MGAT4C: variants seen among roughly 807,000 people sequenced by gnomAD.
MGAT4C encodes the protein MGAT4 family member C.
Under a neutral mutation model 40.1 loss-of-function variants are expected in MGAT4C, and 19 were observed. The observed-to-expected ratio is 0.47, with a 90% CI of 0.33 to 0.70. MGAT4C has a LOEUF of 0.70. Among genes scored for constraint, MGAT4C ranks in the 30% least tolerant of loss-of-function variants. The probability of loss-of-function intolerance (pLI) is 0.02; values close to 1 mark genes in which losing one functional copy is unlikely to be tolerated. For synonymous variants in MGAT4C, 181 were observed against 187.1 expected (o/e 0.97, Z 0.27); for missense variants, 491 against 563.2 (o/e 0.87, Z 1.30).
chr12:86,087,181 T>C (rs1872019403), intron 1 of MGAT4C, among the ~76,000 whole-genome samples: 1 of 152,090 alleles, frequency 6.6e-6, no homozygotes, highest in Non-Finnish European at 1.5e-5. Context: ...CTATTGGATA[T>C]ATACCCAGCA....
At chr12:86,301,049 A>G (rs915801245) in intron 4 of MGAT4C, among the ~76,000 whole-genome samples, 21 of 152,292 alleles carry the variant, frequency 1.4e-4, no homozygotes, top group African/African-American at 5.0e-4. Context: ...AGTAATTGAC[A>G]TTAACTCTTT....
intron 2 of MGAT4C, among the ~76,000 whole-genome samples, chr12:86,695,737 C>G (rs988958198): frequency 2.6e-5 from 4 of 151,506 alleles, no homozygotes; most frequent in African/African-American, 7.3e-5. Context: ...TCGAACTCAT[C>G]GACACAGAGA....
chr12:86,356,334 T>A (rs1424333440), intron 3 of MGAT4C, among the ~76,000 whole-genome samples: 1 of 152,142 alleles, frequency 6.6e-6, no homozygotes, highest in East Asian at 1.9e-4. Flanking sequence ...TAAATGTTAA[T>A]ACACACACTA....
At chr12:86,634,945 G>T (rs1963173104) in intron 2 of MGAT4C, among the ~76,000 whole-genome samples, 1 of 152,116 alleles carries the variant, frequency 6.6e-6, no homozygotes, top group African/African-American at 2.4e-5. Context: ...CACACACAAA[G>T]ATTAAATCAA....
At chr12:86,089,981 G>A (rs567909617) in intron 1 of MGAT4C, among the ~76,000 whole-genome samples, 97 of 151,218 alleles carry the variant, frequency 6.4e-4, no homozygotes, top group Middle Eastern at 3.4e-3. Context: ...CTGATTGATC[G>A]GGTTTTCTAA....
At chr12:86,446,679 ATATATATATATATATATATATATAT>A (rs1380576532) in intron 2 of MGAT4C, among the ~76,000 whole-genome samples, 2 of 119,500 alleles carry the variant, frequency 1.7e-5, no homozygotes, top group African/African-American at 3.3e-5. Flanking sequence ...ATATATATAT[ATATATATATATATATATATATATAT>A]GGATGTGATT....
intron 3 of MGAT4C, among the ~76,000 whole-genome samples, chr12:86,392,146 A>T (rs1317638413): frequency 6.6e-6 from 1 of 152,070 alleles, no homozygotes; most frequent in Admixed American, 6.6e-5. Context: ...TACCAAGATA[A>T]AAGTTATGGT....
At chr12:86,230,896 T>C (rs1951292867) in intron 1 of MGAT4C, among the ~76,000 whole-genome samples, 1 of 150,974 alleles carries the variant, frequency 6.6e-6, no homozygotes, top group South Asian at 2.1e-4. Flanking sequence ...TTTTTCCTAA[T>C]TTACGTGCCA....
intron 4 of MGAT4C, among the ~76,000 whole-genome samples, chr12:86,328,589 G>A (rs1954580787): frequency 6.6e-6 from 1 of 151,656 alleles, no homozygotes; most frequent in Non-Finnish European, 1.5e-5. Context: ...CATCAAGTGG[G>A]AATAATTGTA....
At chr12:86,271,404 G>A (rs1952942984) in intron 4 of MGAT4C, among the ~76,000 whole-genome samples, 1 of 152,086 alleles carries the variant, frequency 6.6e-6, no homozygotes, top group Non-Finnish European at 1.5e-5. Context: ...AATGGCCACA[G>A]GTGTATAAAA....
intron 3 of MGAT4C, among the ~76,000 whole-genome samples, chr12:86,354,103 A>C (rs61950741): frequency 0.085 from 12,893 of 152,260 alleles, 752 homozygotes; most frequent in Middle Eastern, 0.22. Flanking sequence ...AAATTAGCAC[A>C]TGGTTGGTGG....
At chr12:86,630,421 G>C (rs1169762042) in intron 2 of MGAT4C, among the ~76,000 whole-genome samples, 1 of 152,174 alleles carries the variant, frequency 6.6e-6, no homozygotes. Flanking sequence ...GTATCACTGT[G>C]ATACCAAAGC....
At chr12:86,037,558 A>G (rs534944386) in intron 2 of MGAT4C, among the ~76,000 whole-genome samples, 3 of 150,198 alleles carry the variant, frequency 2.0e-5, no homozygotes, top group Non-Finnish European at 4.5e-5. Context: ...CGCAGTAGTC[A>G]TTCAGGAGCA....
At chr12:86,659,565 G>A (rs1026808232) in intron 2 of MGAT4C, among the ~76,000 whole-genome samples, 1 of 152,054 alleles carries the variant, frequency 6.6e-6, no homozygotes, top group Admixed American at 6.6e-5. Flanking sequence ...TAGGGTTGGA[G>A]TAATGAAGGG....
intron 2 of MGAT4C, among the ~76,000 whole-genome samples, chr12:86,700,178 C>CAGACAGATAGATAGATAGATAGAT: frequency 7.1e-6 from 1 of 140,772 alleles, no homozygotes; most frequent in East Asian, 2.2e-4. Context: ...GACAGACAGA[C>CAGACAGATAGATAGATAGATAGAT]AGATAGATAG....
chr12:86,578,701 T>A (rs982450697), intron 2 of MGAT4C, among the ~76,000 whole-genome samples: 1 of 151,826 alleles, frequency 6.6e-6, no homozygotes, highest in African/African-American at 2.4e-5. Flanking sequence ...CAGTATCAGT[T>A]GTAATGTTTC....
chr12:86,220,846 ACT>A (rs1950851923), intron 1 of MGAT4C, among the ~76,000 whole-genome samples: 1 of 152,090 alleles, frequency 6.6e-6, no homozygotes, highest in Non-Finnish European at 1.5e-5. Context: ...GTAATAAATA[ACT>A]CTGCTTGTAG....
intron 1 of MGAT4C, among the ~76,000 whole-genome samples, chr12:86,253,251 A>G (rs982134855): frequency 6.6e-6 from 1 of 151,908 alleles, no homozygotes; most frequent in African/African-American, 2.4e-5. Flanking sequence ...TCAGTTATAA[A>G]TGCCAAGTAC....
intron 3 of MGAT4C, among the ~76,000 whole-genome samples, chr12:85,987,303 A>C (rs1328751194): frequency 6.7e-6 from 1 of 150,226 alleles, no homozygotes; most frequent in Non-Finnish European, 1.5e-5. Context: ...CGCCCGGCTA[A>C]TTTTTTTGTA....
Sources: allele counts gnomAD v4.1 joint callset (sites outside exome capture counted in the v4.1 genomes callset), GRCh38; gene constraint gnomAD v4.1.1; transcripts MANE v1.5; gene names NCBI Gene and HGNC (gene_info 2026-07-23, HGNC 2026-07-21).